NAALADL2: variants seen among roughly 807,000 people sequenced by gnomAD.
NAALADL2 encodes the protein inactive N-acetylated-alpha-linked acidic dipeptidase-like protein 2.
In NAALADL2, 76 loss-of-function variants were observed where a neutral mutation model predicts 87.2. The observed-to-expected ratio is 0.87, with a 90% CI of 0.72 to 1.05. The LOEUF is 1.05. NAALADL2 is among the 50% of genes least tolerant of loss of function. The pLI is 0.00. For synonymous variants in NAALADL2, 354 were observed against 331.0 expected (o/e 1.07, Z -0.75); for missense variants, 1,089 against 945.8 (o/e 1.15, Z -1.99).
At chr3:174,661,004 T>C (rs964167000) in intron 2 of NAALADL2, among the ~76,000 whole-genome samples, 3 of 152,180 alleles carry the variant, frequency 2.0e-5, no homozygotes, top group African/African-American at 7.2e-5. Context: ...TACATCATTA[T>C]TGATGGTTAT....
chr3:175,381,496 T>G (rs922029921), intron 5 of NAALADL2, among the ~76,000 whole-genome samples: 2 of 151,550 alleles, frequency 1.3e-5, no homozygotes, highest in East Asian at 3.9e-4. Context: ...TTCATAATAA[T>G]CTTCTTAAAT....
intron 2 of NAALADL2, among the ~76,000 whole-genome samples, chr3:175,206,144 C>G (rs749587677): frequency 1.3e-5 from 2 of 150,994 alleles, no homozygotes; most frequent in Non-Finnish European, 2.9e-5. Context: ...GATACTTGCA[C>G]ATGCATGCTT....
At chr3:174,766,732 A>G (rs1478263577) in intron 3 of NAALADL2, among the ~76,000 whole-genome samples, 1 of 152,154 alleles carries the variant, frequency 6.6e-6, no homozygotes, top group East Asian at 1.9e-4. Context: ...TTTAACAAAT[A>G]TTTATTGAGT....
chr3:175,350,069 G>A (rs1581531117), intron 5 of NAALADL2, among the ~76,000 whole-genome samples: 1 of 134,630 alleles, frequency 7.4e-6, no homozygotes, highest in East Asian at 2.2e-4. Flanking sequence ...AAAAAAAAAA[G>A]GATAAACTTA....
intron 9 of NAALADL2, among the ~76,000 whole-genome samples, chr3:175,560,382 A>G (rs2149513555): frequency 6.6e-6 from 1 of 151,614 alleles, no homozygotes; most frequent in South Asian, 2.1e-4. Context: ...TCAGGAAATC[A>G]GCTTTTTGTT....
chr3:174,670,091 C>T (rs1361955496), intron 2 of NAALADL2, among the ~76,000 whole-genome samples: 1 of 150,700 alleles, frequency 6.6e-6, no homozygotes, highest in African/African-American at 2.4e-5. Flanking sequence ...AATTTTGTAT[C>T]CTGCAACTTT....
rs139196458 is a variant in NAALADL2 at position 175,199,634 on chromosome 3, G to C, written c.546-34297G>C. Among the ~76,000 whole-genome samples the C allele has an allele frequency of 4.1e-3, 615 of 151,072 alleles. 1 individual carries two copies. Among genetic ancestry groups the C allele is most frequent in the Non-Finnish European group, 6.7e-3 (452 of 67,714 alleles). On this transcript the variant is annotated intron_variant, in intron 2 of 13. Coordinates refer to ENST00000454872, the MANE Select transcript of NAALADL2 (RefSeq NM_207015.3). ...AAAAGTGCACTAAGGGCTATGGTGC[G>C]TAGACTGCGTGGAGGGAGGGATAAG...
chr3:175,464,708 G>GT (rs1470230507), intron 7 of NAALADL2, among the ~76,000 whole-genome samples: 30 of 152,186 alleles, frequency 2.0e-4, no homozygotes, highest in African/African-American at 6.5e-4. Flanking sequence ...CAGCCTCCCA[G>GT]TTTCTTGCTG....
intron 13 of NAALADL2, among the ~76,000 whole-genome samples, chr3:175,801,489 C>G (rs1754137574): frequency 6.6e-6 from 1 of 152,018 alleles, no homozygotes; most frequent in African/African-American, 2.4e-5. Flanking sequence ...AATTTTGTGT[C>G]TTTGCTTATG....
chr3:174,807,947 T>G (rs1719702889), intron 3 of NAALADL2, among the ~76,000 whole-genome samples: 1 of 151,676 alleles, frequency 6.6e-6, no homozygotes, highest in African/African-American at 2.4e-5. Context: ...AAGCCCAAAT[T>G]AAGTTACTAT....
chr3:175,500,386 A>T (rs1424001247), intron 9 of NAALADL2, among the ~76,000 whole-genome samples: 1 of 152,034 alleles, frequency 6.6e-6, no homozygotes, highest in African/African-American at 2.4e-5. Flanking sequence ...GGCCAAATCA[A>T]TAGTAGGCAA....
chr3:174,668,636 TG>T, intron 2 of NAALADL2, among the ~76,000 whole-genome samples: 1 of 152,264 alleles, frequency 6.6e-6, no homozygotes, highest in East Asian at 1.9e-4. Context: ...GTGTTCTCAT[TG>T]TTCAATTCCC....
chr3:175,581,445 A>C (rs1240632516), intron 10 of NAALADL2, among the ~76,000 whole-genome samples: 1 of 152,158 alleles, frequency 6.6e-6, no homozygotes, highest in Non-Finnish European at 1.5e-5. Flanking sequence ...CTGTCTCTAA[A>C]TAAATAAATA....
intron 2 of NAALADL2, among the ~76,000 whole-genome samples, chr3:174,661,917 A>G (rs1300535796): frequency 6.6e-6 from 1 of 152,168 alleles, no homozygotes; most frequent in South Asian, 2.1e-4. Flanking sequence ...TAAGTGAAAC[A>G]TCTTGGAAAT....
At chr3:175,130,202 ATAT>A (rs1727613108) in intron 2 of NAALADL2, among the ~76,000 whole-genome samples, 1 of 65,740 alleles carries the variant, frequency 1.5e-5, no homozygotes, top group Non-Finnish European at 3.4e-5. Context: ...TAACTTTTGT[ATAT>A]TATAACTTCT....
At chr3:174,797,561 A>G (rs566798688) in intron 3 of NAALADL2, among the ~76,000 whole-genome samples, 15 of 151,520 alleles carry the variant, frequency 9.9e-5, no homozygotes, top group African/African-American at 3.6e-4. Flanking sequence ...GTCTATTTTT[A>G]TACCACTTCC....
intron 1 of NAALADL2, among the ~76,000 whole-genome samples, chr3:174,926,862 C>A (rs1736126579): frequency 6.6e-6 from 1 of 151,940 alleles, no homozygotes; most frequent in South Asian, 2.1e-4. Flanking sequence ...ACAATATGAA[C>A]CTTAAATGTA....
At chr3:175,250,819 C>T (rs1386177951) in intron 3 of NAALADL2, among the ~76,000 whole-genome samples, 1 of 152,204 alleles carries the variant, frequency 6.6e-6, no homozygotes, top group African/African-American at 2.4e-5. Context: ...TAGGAGCTCA[C>T]TAAATGTTTT....
intron 2 of NAALADL2, among the ~76,000 whole-genome samples, chr3:175,162,059 A>G (rs1240969180): frequency 6.6e-6 from 1 of 152,140 alleles, no homozygotes; most frequent in Non-Finnish European, 1.5e-5. Context: ...TTTACTATTC[A>G]GGACTGTTAG....
Sources: allele counts gnomAD v4.1 joint callset (sites outside exome capture counted in the v4.1 genomes callset), GRCh38; gene constraint gnomAD v4.1.1; transcripts MANE v1.5; gene names NCBI Gene and HGNC (gene_info 2026-07-23, HGNC 2026-07-21).